SLC35F4: variants seen among roughly 807,000 people sequenced by gnomAD.
The protein encoded by SLC35F4 is solute carrier family 35 member F4, also known as chromosome 14 open reading frame 36.
A neutral mutation model predicts 44.2 loss-of-function variants in SLC35F4; 24 were observed. The observed-to-expected ratio is 0.54, with a 90% CI of 0.39 to 0.76. SLC35F4 has a LOEUF of 0.76. Among genes scored for constraint, SLC35F4 ranks in the 30% least tolerant of loss-of-function variants. The pLI is 0.00. For missense variants in SLC35F4, 562 were observed against 586.1 expected (o/e 0.96, Z 0.42); for synonymous variants, 238 against 223.6 (o/e 1.06, Z -0.57).
chr14:57,935,968 A>G (rs1353318671), intron 1 of SLC35F4, among the ~76,000 whole-genome samples: 1 of 152,242 alleles, frequency 6.6e-6, no homozygotes, highest in African/African-American at 2.4e-5. Context: ...GACATTGGGA[A>G]CTATGACAGC....
At chr14:57,611,156 T>C (rs761180820) in intron 1 of SLC35F4, among the ~76,000 whole-genome samples, 8 of 152,158 alleles carry the variant, frequency 5.3e-5, no homozygotes, top group Non-Finnish European at 1.0e-4. Context: ...GGGGAGAGTT[T>C]GGTGTGTTAT....
At chr14:57,644,029 TG>T (rs1266463750) in intron 1 of SLC35F4, among the ~76,000 whole-genome samples, 3 of 152,248 alleles carry the variant, frequency 2.0e-5, no homozygotes, top group Non-Finnish European at 4.4e-5. Context: ...GTTGGACATT[TG>T]GGTTGGTTCC....
At chr14:57,904,986 C>T (rs1416945516) in intron 1 of SLC35F4, among the ~76,000 whole-genome samples, 1 of 152,128 alleles carries the variant, frequency 6.6e-6, no homozygotes, top group Non-Finnish European at 1.5e-5. Flanking sequence ...ACAAATCAAC[C>T]CAAAACTTAG....
chr14:57,937,224 C>T (rs758071981), intron 1 of SLC35F4, among the ~76,000 whole-genome samples: 48 of 152,070 alleles, frequency 3.2e-4, no homozygotes, highest in Non-Finnish European at 5.6e-4. Flanking sequence ...TGCGCCACTA[C>T]GCCCAGCTAA....
chr14:57,923,878 G>A (rs1889492497), intron 1 of SLC35F4, among the ~76,000 whole-genome samples: 1 of 152,234 alleles, frequency 6.6e-6, no homozygotes, highest in African/African-American at 2.4e-5. Context: ...GTTCGGCTGT[G>A]TCCCCACCCA....
chr14:57,865,849 G>C lies in SLC35F4; in HGVS notation c.-24C>G. On this transcript the variant is annotated 5_prime_UTR_variant, in exon 1 of 8. Transcript: ENST00000556826. ...ATAGAGAGCGCGGGGCGACGGCCCC[G>C]AGTGCGGCGGGGCGGAGAGCGCAGC... 2 of 1,476,876 alleles carry C rather than the reference G, an allele frequency of 1.4e-6. No homozygotes were observed. The highest frequency in any genetic ancestry group is 1.8e-6 in the Non-Finnish European group (2 of 1,112,330). 91.5% of individuals were successfully genotyped at this position (1,476,876 alleles called of 1,614,324 possible).
At chr14:57,669,544 C>T (rs1419445769) in intron 1 of SLC35F4, among the ~76,000 whole-genome samples, 22 of 152,002 alleles carry the variant, frequency 1.4e-4, no homozygotes, top group African/African-American at 2.9e-4. Context: ...GCATGAAGGG[C>T]AGTTGAATTT....
rs868826831 is a variant in SLC35F4, at chr14:57,593,590, C to T, written c.289+349G>A. 4.3e-4 allele frequency among the ~76,000 whole-genome samples: 66 copies of T among 152,136 alleles called. 1 individual carries two copies. The highest frequency in any genetic ancestry group is 1.5e-3 in the African/African-American group (63 of 41,428). On this transcript the variant is annotated intron_variant, in intron 2 of 7. Transcript: ENST00000556826. ...GTTTTCATTCTTTTCAGGATGGGTA[C>T]ATTGTGCTGTTACTGAATCCCCAGG...
rs532909810 is a variant in SLC35F4, at chr14:57,633,771, C to A, written c.104-39647G>T. On this transcript the variant is annotated intron_variant, in intron 1 of 7. Transcript: ENST00000556826. ...TTTTGAAACCATTATAGAAATTAAA[C>A]CATGTAGTATATAACATTTTGAGGC... is the stretch of plus-strand genomic sequence containing the variant. Among the ~76,000 whole-genome samples the A allele has an allele frequency of 2.0e-5, 3 of 152,224 alleles. No homozygotes were observed. The South Asian group carries it at 6.2e-4, about 32-fold the overall frequency.
intron 1 of SLC35F4, among the ~76,000 whole-genome samples, chr14:57,878,614 C>T (rs1184109826): frequency 6.6e-6 from 1 of 152,190 alleles, no homozygotes; most frequent in Non-Finnish European, 1.5e-5. Flanking sequence ...TCTTTGCCCC[C>T]TGCCTTGTCT....
downstream of SLC35F4, among the ~76,000 whole-genome samples, chr14:57,976,420 T>G (rs1881220300): frequency 6.6e-6 from 1 of 152,224 alleles, no homozygotes; most frequent in Non-Finnish European, 1.5e-5. Context: ...TCCTGACCTA[T>G]GAAGTAATAA....
intron 1 of SLC35F4, among the ~76,000 whole-genome samples, chr14:57,905,012 A>ATT (rs1889079933): frequency 1.3e-5 from 2 of 152,198 alleles, no homozygotes; most frequent in Non-Finnish European, 2.9e-5. Context: ...TGTAACAATA[A>ATT]GAATAATTTT....
chr14:57,771,642 G>C (rs1258113473), intron 1 of SLC35F4, among the ~76,000 whole-genome samples: 2 of 152,142 alleles, frequency 1.3e-5, no homozygotes, highest in Non-Finnish European at 2.9e-5. Context: ...TGCCCAGGCT[G>C]GAGTGCAGTG....
intron 1 of SLC35F4, among the ~76,000 whole-genome samples, chr14:57,878,325 T>C (rs1326559825): frequency 6.6e-6 from 1 of 152,182 alleles, no homozygotes; most frequent in Non-Finnish European, 1.5e-5. Context: ...CTATTCTAAT[T>C]TGTTTTTCTA....
intron 1 of SLC35F4, among the ~76,000 whole-genome samples, chr14:57,613,513 T>C (rs564594702): frequency 2.6e-5 from 4 of 152,330 alleles, no homozygotes; most frequent in Non-Finnish European, 4.4e-5. Flanking sequence ...GTTCCAACGA[T>C]AGGCTTTTCA....
intron 1 of SLC35F4, among the ~76,000 whole-genome samples, chr14:57,925,385 C>T (rs1172429448): frequency 1.3e-5 from 2 of 151,680 alleles, no homozygotes; most frequent in Non-Finnish European, 2.9e-5. Context: ...AGAACTTACT[C>T]CCAGTGGTAT....
intron 1 of SLC35F4, among the ~76,000 whole-genome samples, chr14:57,638,646 C>G (rs897212117): frequency 2.6e-5 from 4 of 152,060 alleles, no homozygotes; most frequent in Non-Finnish European, 4.4e-5. Flanking sequence ...TTTCAGTCGA[C>G]ATGTGTTTTA....
At chr14:57,982,561 G>A (rs947382417), upstream of SLC35F4, among the ~76,000 whole-genome samples, 4 of 152,050 alleles carry the variant, frequency 2.6e-5, no homozygotes, top group African/African-American at 9.7e-5. Flanking sequence ...GGGCAGCTGG[G>A]GCTAGCCAGC....
At chr14:57,767,439 T>C (rs1421365350) in intron 1 of SLC35F4, among the ~76,000 whole-genome samples, 3 of 152,172 alleles carry the variant, frequency 2.0e-5, no homozygotes, top group African/African-American at 7.2e-5. Context: ...TTAAACAACA[T>C]ACTTTTACAT....
Sources: gnomAD v4.1 joint callset for allele counts (sites outside exome capture counted in the v4.1 genomes callset) on GRCh38, gnomAD v4.1.1 for gene constraint, MANE v1.5 for transcripts, NCBI Gene and HGNC (gene_info 2026-07-23, HGNC 2026-07-21) for gene names.